NEK10: variants seen among roughly 807,000 people sequenced by gnomAD.
The protein encoded by NEK10 is serine/threonine-protein kinase Nek10.
Under a neutral mutation model 159.8 loss-of-function variants are expected in NEK10, and 122 were observed. That is an observed-to-expected ratio of 0.76 (90% CI 0.66 to 0.89). NEK10 has a LOEUF of 0.89. Ranked by LOEUF, NEK10 falls within the 40% of genes least tolerant of loss-of-function variation. The pLI, the probability that NEK10 is intolerant of heterozygous loss-of-function variation, is 0.00. For synonymous variants in NEK10, 466 were observed against 457.1 expected, an observed-to-expected ratio of 1.02 and a Z score of -0.25; for missense variants, 1,342 against 1,323.1, an observed-to-expected ratio of 1.01 and a Z score of -0.22.
intron 3 of NEK10, among the ~76,000 whole-genome samples, chr3:27,351,309 C>G (rs1203887288): frequency 6.6e-6 from 1 of 152,130 alleles, no homozygotes; most frequent in Non-Finnish European, 1.5e-5. Context: ...GCCTAGCCAT[C>G]TTGTTTGCCT....
In NEK10 at chr3:27,352,480, T is replaced by C. The variant is rs776017666; in HGVS notation, c.117A>G (p.Gln39=). ...LKRLRCLLNV[Q]SSKQQLPAIN... ...AAAACGCTACCTGTTGTTTGCTTGATTGGACGTTCAAAAGGCACCGAAGTC... is the reference window on the plus strand; with the variant it reads ...AAAACGCTACCTGTTGTTTGCTTGACTGGACGTTCAAAAGGCACCGAAGTC... Residue 39 remains glutamine, a synonymous_variant, in exon 3 of 36, where the codon CAA becomes CAG. Transcript: ENST00000691995. 4.0e-5 allele frequency: 65 copies of C among 1,611,086 alleles called. No individual in the cohort carries two copies. Among genetic ancestry groups the C allele is most frequent in the African/African-American group, 1.1e-4 (8 of 74,842 alleles).
At chr3:27,223,806 G>T (rs796857567) in intron 23 of NEK10, among the ~76,000 whole-genome samples, 49 of 152,206 alleles carry the variant, frequency 3.2e-4, no homozygotes, top group African/African-American at 1.2e-3. Context: ...AAACATATTT[G>T]GGTTGCTTAT....
intron 1 of NEK10, among the ~76,000 whole-genome samples, chr3:27,362,338 G>A (rs1239780535): frequency 6.6e-6 from 1 of 152,182 alleles, no homozygotes; most frequent in African/African-American, 2.4e-5. Context: ...CCAGCTTACG[G>A]AACTGCTAAT....
intron 28 of NEK10, 152 bp downstream of exon 28, chr3:27,174,287 G>C (rs2148881220): frequency 8.5e-7 from 1 of 1,172,718 alleles, no homozygotes; most frequent in Non-Finnish European, 1.2e-6. Flanking sequence ...GGCTCTGTCA[G>C]AGAGACAGAC....
chr3:27,133,867 T>G (rs1942901184), intron 31 of NEK10, among the ~76,000 whole-genome samples: 1 of 152,234 alleles, frequency 6.6e-6, no homozygotes, highest in South Asian at 2.1e-4. Flanking sequence ...ACTGAAGCAC[T>G]TCAGTGTACT....
Position 27,108,965 on chromosome 3 carries a change from A to G in NEK10, c.*2307T>C, listed in dbSNP as rs530235699. Among the ~76,000 whole-genome samples the G allele has an allele frequency of 1.3e-5, 2 of 152,364 alleles. No individual in the cohort carries two copies. Among genetic ancestry groups the G allele is most frequent in the Admixed American group, 1.3e-4 (2 of 15,296 alleles). ...AGCATATTCATACTTTTAGCAAAAC[A>G]ATACATCTATCCACATAGAGTTGAT... On this transcript the variant is annotated 3_prime_UTR_variant, in exon 36 of 36. Coordinates refer to ENST00000691995, the MANE Select transcript of NEK10 (RefSeq NM_001394966.1).
chr3:27,285,586 A>T (rs1010994647), intron 20 of NEK10, among the ~76,000 whole-genome samples: 3 of 152,136 alleles, frequency 2.0e-5, no homozygotes, highest in Admixed American at 6.5e-5. Flanking sequence ...TTTATCTTAC[A>T]GATACAGAGA....
intron 1 of NEK10, among the ~76,000 whole-genome samples, chr3:27,363,413 C>G (rs560261687): frequency 8.1e-4 from 123 of 152,198 alleles, no homozygotes; most frequent in Admixed American, 3.5e-3. Context: ...TTGTAGTTTA[C>G]AACAAAAGAG....
chr3:27,359,440 TTCTG>T (rs1370262921), intron 1 of NEK10, among the ~76,000 whole-genome samples: 1 of 152,192 alleles, frequency 6.6e-6, no homozygotes, highest in African/African-American at 2.4e-5. Flanking sequence ...CAAGTTACAG[TTCTG>T]TCTGTTTTCA....
chr3:27,299,095 A>G (rs969835730), intron 13 of NEK10, among the ~76,000 whole-genome samples: 8 of 152,306 alleles, frequency 5.3e-5, no homozygotes, highest in Middle Eastern at 3.4e-3. Context: ...AACAATGGAG[A>G]AAATTTCTCC....
intron 1 of NEK10, among the ~76,000 whole-genome samples, chr3:27,368,533 A>G (rs1316292891): frequency 6.6e-6 from 1 of 152,158 alleles, no homozygotes; most frequent in East Asian, 1.9e-4. Flanking sequence ...ATTGATAGAG[A>G]TGCAGAGGAA....
intron 26 of NEK10, among the ~76,000 whole-genome samples, chr3:27,190,083 C>T (rs1158916317): frequency 1.3e-5 from 2 of 152,162 alleles, no homozygotes; most frequent in Non-Finnish European, 2.9e-5. Flanking sequence ...TGCTATCTTA[C>T]AATTTATGCC....
At chr3:27,283,217 T>G (rs1226470504) in intron 22 of NEK10, among the ~76,000 whole-genome samples, 1 of 152,156 alleles carries the variant, frequency 6.6e-6, no homozygotes, top group African/African-American at 2.4e-5. Flanking sequence ...ACCAAGGGAC[T>G]CAGCTTTAGA....
chr3:27,326,684 T>C (rs935003701), intron 5 of NEK10, among the ~76,000 whole-genome samples: 4 of 152,176 alleles, frequency 2.6e-5, no homozygotes, highest in African/African-American at 9.7e-5. Flanking sequence ...AATGGAATTT[T>C]TGTTTTGTTT....
At chr3:27,299,793 C>T (rs764587108) in intron 13 of NEK10, among the ~76,000 whole-genome samples, 7 of 152,196 alleles carry the variant, frequency 4.6e-5, no homozygotes, top group Admixed American at 1.3e-4. Context: ...ATTTGACTGC[C>T]CTGCTGGATT....
chr3:27,249,280 A>G (rs548828080), intron 23 of NEK10, among the ~76,000 whole-genome samples: 2 of 152,298 alleles, frequency 1.3e-5, no homozygotes, highest in Non-Finnish European at 2.9e-5. Flanking sequence ...TCTTTCCTTT[A>G]TAAGTTACCC....
chr3:27,197,794 T>C (rs1211581191), intron 25 of NEK10, among the ~76,000 whole-genome samples: 1 of 123,936 alleles, frequency 8.1e-6, no homozygotes, highest in Non-Finnish European at 1.7e-5. Flanking sequence ...AGTACTTTCT[T>C]TCTTTTTTTT....
intron 29 of NEK10, among the ~76,000 whole-genome samples, chr3:27,169,277 C>A (rs958070432): frequency 6.6e-6 from 1 of 152,186 alleles, no homozygotes; most frequent in Non-Finnish European, 1.5e-5. Context: ...TGGGTACTAG[C>A]AAGCCCTAAA....
In NEK10 at chr3:27,291,471, A is replaced by C. The variant is rs1347154824; in HGVS notation, c.1476+13T>G. The C allele has an allele frequency of 3.1e-6, 5 of 1,602,898 alleles. No individual in the cohort carries two copies. The highest frequency in any genetic ancestry group is 1.7e-4 in the Middle Eastern group (1 of 6,048). On this transcript the variant is annotated intron_variant, in intron 17 of 35. Transcript: ENST00000691995. Reference sequence around the variant, plus strand: ...ATAGCAGCCTGCCAAAATATTGAAAACTCAGGACTTACCACTAATAAATTC... The same window carrying C: ...ATAGCAGCCTGCCAAAATATTGAAACCTCAGGACTTACCACTAATAAATTC...
Sources: gnomAD v4.1 joint callset for allele counts (sites outside exome capture counted in the v4.1 genomes callset) on GRCh38, gnomAD v4.1.1 for gene constraint, MANE v1.5 for transcripts, NCBI Gene and HGNC (gene_info 2026-07-23, HGNC 2026-07-21) for gene names.